ANO2: variants seen among roughly 807,000 people sequenced by gnomAD.
ANO2 encodes the protein anoctamin-2.
ANO2 carries 101 observed loss-of-function variants against 124.2 expected under a neutral mutation model. The observed-to-expected ratio is 0.81, with a 90% CI of 0.69 to 0.96. The LOEUF (loss-of-function observed/expected upper bound fraction) is 0.96, where lower values mean the gene tolerates loss of function less well. Among genes scored for constraint, ANO2 ranks in the 40% least tolerant of loss-of-function variants. ANO2 has a pLI of 0.00. For synonymous variants in ANO2, 486 were observed against 482.5 expected, an observed-to-expected ratio of 1.01 and a Z score of -0.09; for missense variants, 1,293 against 1,274.5, an observed-to-expected ratio of 1.01 and a Z score of -0.22.
chr12:5,622,108 A>G (rs1024046305), intron 16 of ANO2, among the ~76,000 whole-genome samples: 1 of 151,790 alleles, frequency 6.6e-6, no homozygotes, highest in African/African-American at 2.4e-5. Flanking sequence ...TTTGGAAAAC[A>G]TATCTTGAAA....
chr12:5,624,497 G>A (rs981663601), intron 16 of ANO2, among the ~76,000 whole-genome samples: 10 of 152,130 alleles, frequency 6.6e-5, no homozygotes, highest in African/African-American at 2.4e-4. Context: ...TCTGGCAAAT[G>A]CACACACTGG....
chr12:5,872,105 C>T (rs1352844024), intron 3 of ANO2, among the ~76,000 whole-genome samples: 1 of 152,168 alleles, frequency 6.6e-6, no homozygotes, highest in East Asian at 1.9e-4. Flanking sequence ...GACAGGTAAA[C>T]AAGACAGGAG....
At chr12:5,629,880 T>G (rs1945619027) in intron 16 of ANO2, among the ~76,000 whole-genome samples, 1 of 152,210 alleles carries the variant, frequency 6.6e-6, no homozygotes, top group Admixed American at 6.5e-5. Flanking sequence ...GCCTCACCAG[T>G]GCTGCGTTGC....
At chr12:5,670,531 T>G (rs1434646725) in intron 14 of ANO2, among the ~76,000 whole-genome samples, 1 of 152,196 alleles carries the variant, frequency 6.6e-6, no homozygotes, top group African/African-American at 2.4e-5. Flanking sequence ...CATGTATTAA[T>G]TTTTTAAATT....
rs1305704227 is a variant in ANO2 at position 5,736,330 on chromosome 12, C to T, written c.1434+2987G>A. 2.0e-5 allele frequency among the ~76,000 whole-genome samples: 3 copies of T among 152,182 alleles called. No homozygotes were observed. In the East Asian group the frequency reaches 5.8e-4, roughly 29 times the overall value. On this transcript the variant is annotated intron_variant, in intron 13 of 24. Coordinates refer to ENST00000682330, the MANE Select transcript of ANO2 (RefSeq NM_001364791.2). ...GGGGTGACCCACCTGCTGAAGGCACCCAGGTGGGAGGACTAGAGGGTGCAC... is the reference window on the plus strand; with the variant it reads ...GGGGTGACCCACCTGCTGAAGGCACTCAGGTGGGAGGACTAGAGGGTGCAC...
intron 7 of ANO2, among the ~76,000 whole-genome samples, chr12:5,809,199 A>G (rs1181241672): frequency 6.6e-6 from 1 of 152,206 alleles, no homozygotes; most frequent in Admixed American, 6.5e-5. Flanking sequence ...TCACAAGACT[A>G]CAATTTCACT....
chr12:5,778,504 A>G (rs990258083), intron 10 of ANO2, among the ~76,000 whole-genome samples: 1 of 152,252 alleles, frequency 6.6e-6, no homozygotes, highest in African/African-American at 2.4e-5. Context: ...TGTTTATACC[A>G]TATTTCCTCA....
chr12:5,863,175 G>T (rs1172740801), intron 3 of ANO2, among the ~76,000 whole-genome samples: 1 of 152,042 alleles, frequency 6.6e-6, no homozygotes. Context: ...AGCAGCGTGA[G>T]AACAGACTAA....
chr12:5,699,288 T>C (rs4441102), intron 14 of ANO2, among the ~76,000 whole-genome samples: 20,953 of 152,172 alleles, frequency 0.14, 1,536 homozygotes, highest in Middle Eastern at 0.23. Context: ...GGCCAATATT[T>C]AACATTCTTA....
In ANO2 at chr12:5,636,270, C is replaced by T. The variant is rs762708611; in HGVS notation, c.1621-923G>A. On this transcript the variant is annotated intron_variant, in intron 15 of 24. Transcript: ENST00000682330. The surrounding 1 kb of genome is among the most constrained non-coding windows in gnomAD (Gnocchi z 4.6). ...TCTGTCCCCACGTCCCCTCCTGTCC[C>T]CATCGCAACCAAGGAAGGATCATTT... 5.3e-5 allele frequency among the ~76,000 whole-genome samples: 8 copies of T among 152,084 alleles called. 1 individual carries two copies. The highest frequency in any genetic ancestry group is 1.9e-4 in the African/African-American group (8 of 41,406).
intron 10 of ANO2, among the ~76,000 whole-genome samples, chr12:5,756,300 C>A (rs909694240): frequency 6.6e-6 from 1 of 151,966 alleles, no homozygotes; most frequent in Non-Finnish European, 1.5e-5. Flanking sequence ...TCTTGCAGCT[C>A]ATTTAAGACA....
intron 10 of ANO2, among the ~76,000 whole-genome samples, chr12:5,785,561 G>A (rs903004603): frequency 9.9e-5 from 15 of 152,082 alleles, no homozygotes; most frequent in African/African-American, 3.6e-4. Flanking sequence ...TTATGTCACT[G>A]GTTGTGCAGA....
Position 5,921,137 on chromosome 12 carries a change from C to T in ANO2, c.437G>A (p.Gly146Glu), listed in dbSNP as rs1941674096. 6.2e-7 allele frequency: 1 copy of T among 1,613,862 alleles called. No individual in the cohort carries two copies. The highest frequency in any genetic ancestry group is 1.7e-5 in the Admixed American group (1 of 60,004). The change falls in exon 3 of 25, where the codon GGA becomes GAA. Residue 146 changes from glycine to glutamate, a missense_variant. Physicochemically the swap from Gly to Glu is moderately conservative, Grantham distance 98 (BLOSUM62 -2). Transcript: ENST00000682330. ...HAGGPGDIEL[G>E]PLDALEEERK... ...CTCCTCCTCCAGGGCATCGAGCGGTCCCAGCTCAATGTCACCTGGGCCCCC... is the reference window on the plus strand; with the variant it reads ...CTCCTCCTCCAGGGCATCGAGCGGTTCCAGCTCAATGTCACCTGGGCCCCC...
At chr12:5,733,123 T>C (rs1950713571) in intron 13 of ANO2, 2 of 581,714 alleles carry the variant, frequency 3.4e-6, no homozygotes, top group Admixed American at 6.0e-5. Flanking sequence ...TCCATTATTC[T>C]CTGAGCTAAA....
intron 3 of ANO2, among the ~76,000 whole-genome samples, chr12:5,875,373 C>T (rs1938023696): frequency 6.6e-6 from 1 of 152,256 alleles, no homozygotes; most frequent in African/African-American, 2.4e-5. Context: ...AGCTGGCCTG[C>T]TGGCCTCAGC....
intron 13 of ANO2, among the ~76,000 whole-genome samples, chr12:5,737,977 G>T (rs911019143): frequency 1.2e-4 from 19 of 152,228 alleles, no homozygotes; most frequent in African/African-American, 4.6e-4. Flanking sequence ...TAGGACTAGA[G>T]TAGAGTGTGT....
At chr12:5,695,375 T>TAAAAAAAAA (rs78967769) in intron 14 of ANO2, among the ~76,000 whole-genome samples, 1 of 127,822 alleles carries the variant, frequency 7.8e-6, no homozygotes. Flanking sequence ...ACATGGAACT[T>TAAAAAAAAA]AAAAAAAAAA....
At chr12:5,673,972 C>A (rs1328134957) in intron 14 of ANO2, among the ~76,000 whole-genome samples, 5 of 152,156 alleles carry the variant, frequency 3.3e-5, no homozygotes, top group African/African-American at 1.2e-4. Context: ...GACCAACTTA[C>A]CCACTCCTCT....
chr12:5,891,334 A>T (rs1939380466), intron 3 of ANO2, among the ~76,000 whole-genome samples: 1 of 152,086 alleles, frequency 6.6e-6, no homozygotes, highest in Non-Finnish European at 1.5e-5. Flanking sequence ...GAGTGAGAGG[A>T]ACATTCCTCT....
Sources: allele counts gnomAD v4.1 joint callset (sites outside exome capture counted in the v4.1 genomes callset), GRCh38; gene constraint gnomAD v4.1.1; non-coding constraint Gnocchi (gnomAD v3.1); transcripts MANE v1.5; gene names NCBI Gene and HGNC (gene_info 2026-07-23, HGNC 2026-07-21).